The following ARL6IP1 variants were observed in gnomAD, a reference collection of about 807,000 sequenced individuals.
ARL6IP1 encodes the protein ARL6 interacting reticulophagy regulator 1.
Under a neutral mutation model 30.1 loss-of-function variants are expected in ARL6IP1, and 16 were observed. That is an observed-to-expected ratio of 0.53 (90% confidence interval 0.36 to 0.81). The LOEUF is 0.81. Among genes scored for constraint, ARL6IP1 ranks in the 30% least tolerant of loss-of-function variants. The pLI is 0.01. For synonymous variants in ARL6IP1, 72 were observed against 84.8 expected, an observed-to-expected ratio of 0.85 and a Z score of 0.83; for missense variants, 173 against 242.7, an observed-to-expected ratio of 0.71 and a Z score of 1.91.
intron 5 of ARL6IP1, among the ~76,000 whole-genome samples, chr16:18,794,367 C>T (rs1438517772): frequency 6.6e-6 from 1 of 152,244 alleles, no homozygotes; most frequent in African/African-American, 2.4e-5. Context: ...CTGCTCTCAT[C>T]CCCTCTTCCA....
At chr16:18,796,371 G>A (rs1330111277) in intron 3 of ARL6IP1, among the ~76,000 whole-genome samples, 2 of 152,144 alleles carry the variant, frequency 1.3e-5, no homozygotes, top group Non-Finnish European at 2.9e-5. Flanking sequence ...AAGGATTTCT[G>A]CTGAGCCCTG....
intron 1 of ARL6IP1, among the ~76,000 whole-genome samples, chr16:18,800,462 A>C (rs1315197928): frequency 6.6e-6 from 1 of 152,220 alleles, no homozygotes; most frequent in Non-Finnish European, 1.5e-5. Flanking sequence ...AATCCTCTTA[A>C]AAAGATCCAC....
At chr16:18,798,635 A>C (rs1204081432) in intron 2 of ARL6IP1, 66 bp downstream of exon 2, 1 of 1,537,338 alleles carries the variant, frequency 6.5e-7, no homozygotes, top group Non-Finnish European at 8.8e-7. Context: ...CACAAACAGA[A>C]GCTATATATT....
At chr16:18,799,009 G>T (rs999621515) in intron 1 of ARL6IP1, among the ~76,000 whole-genome samples, 175 bp from the exon 2 acceptor site, 11 of 151,778 alleles carry the variant, frequency 7.2e-5, no homozygotes, top group African/African-American at 2.2e-4. Context: ...AATACAATGG[G>T]TTTTTTTGTT....
intron 2 of ARL6IP1, chr16:18,798,463 T>G (rs1211456673): frequency 4.5e-6 from 2 of 448,326 alleles, no homozygotes; most frequent in Non-Finnish European, 7.7e-6. Context: ...AGAGTTTAAG[T>G]GTCTGGAGGA....
At position 18,795,593 on chromosome 16, in the gene ARL6IP1, A is replaced by C. The variant is rs769234563; in HGVS notation, c.291-12T>G. The C allele has an allele frequency of 1.2e-6, 2 of 1,605,426 alleles. No individual in the cohort carries two copies. Among genetic ancestry groups the C allele is most frequent in the South Asian group, 2.2e-5 (2 of 90,662 alleles). On this transcript the variant is annotated splice_polypyrimidine_tract_variant and intron_variant, in intron 3 of 5. Coordinates refer to ENST00000304414, the MANE Select transcript of ARL6IP1 (RefSeq NM_015161.3). The stretch of plus-strand genomic sequence containing the variant: ...GTTGTTCAGTGGTCCTAGAAAAGAA[A>C]TTTGCCTTTTGCTATAAACAAATCG...
At chr16:18,795,249 C>A in intron 4 of ARL6IP1, 1 of 404,880 alleles carries the variant, frequency 2.5e-6, no homozygotes, top group Non-Finnish European at 4.5e-6. Context: ...AAAAATGAAA[C>A]AGAAGAATTT....
Position 18,801,209 on chromosome 16 carries a change from G to C in ARL6IP1, c.36+222C>G. On this transcript the variant is annotated intron_variant, in intron 1 of 5. Transcript: ENST00000304414. ...CTCCTCGACTCCTACTCGCGGTGAT[G>C]AATCACGCGCCCTCCTCGCCCCGTC... is the stretch of plus-strand genomic sequence containing the variant. 9 of 1,412,364 alleles carry C rather than the reference G, an allele frequency of 6.4e-6. No homozygotes were observed. The South Asian group carries it at 1.1e-4, about 17-fold the overall frequency. 87.5% of individuals were successfully genotyped at this position (1,412,364 alleles called of 1,614,324 possible).
chr16:18,798,334 A>G, intron 2 of ARL6IP1: 1 of 319,058 alleles, frequency 3.1e-6, no homozygotes, highest in Non-Finnish European at 5.8e-6. Context: ...AGAAATACCT[A>G]ATGTAGATGA....
Position 18,795,452 on chromosome 16 carries a change from CA to C in ARL6IP1, c.408+11del. The C allele has an allele frequency of 3.1e-6, 5 of 1,597,638 alleles. No homozygotes were observed. Among genetic ancestry groups the C allele is most frequent in the Admixed American group, 1.7e-5 (1 of 58,776 alleles). On this transcript the variant is annotated intron_variant, in intron 4 of 5. Coordinates refer to ENST00000304414, the MANE Select transcript of ARL6IP1 (RefSeq NM_015161.3). Reference sequence around the variant, plus strand: ...AAATTTTACTGTACTTAAGTCAAAGCAAAAAAAGTACCATCTTAGGTTTTTC... The same window carrying C: ...AAATTTTACTGTACTTAAGTCAAAGCAAAAAAGTACCATCTTAGGTTTTTC...
chr16:18,798,755 C>T lies in ARL6IP1; in HGVS notation c.116G>A (p.Trp39Ter). 1.2e-6 allele frequency: 2 copies of T among 1,614,158 alleles called. No individual in the cohort carries two copies. Among genetic ancestry groups the T allele is most frequent in the Non-Finnish European group, 1.7e-6 (2 of 1,180,024 alleles). ...VMLMADKVLR[W>*]ERAWFPPAIM... ...GGCAGGTGGAAACCAGGCTCTTTCC[C>T]ATCGGAGGACTTTATCAGCCATCAG... The change falls in exon 2 of 6, where the codon TGG becomes TAG. Residue 39 changes from tryptophan (W) to a stop codon, truncating the protein, a stop_gained. Transcript: ENST00000304414. LOFTEE classifies it high-confidence loss of function.
In ARL6IP1 at chr16:18,792,181, C is replaced by T. The variant is rs1450129208; in HGVS notation, c.*1071G>A. The T allele has an allele frequency of 6.6e-6, 1 of 152,182 alleles. No individual in the cohort carries two copies. The highest frequency in any genetic ancestry group is 1.5e-5 in the Non-Finnish European group (1 of 68,042). 9.4% of individuals were successfully genotyped at this position (152,182 alleles called of 1,614,324 possible). A position where few individuals can be genotyped will look rare whatever the true frequency, so the allele number is the denominator to read the frequency against. ...GCCAACTATCATCACCTCAAGTCTGCTCTCACCAACAGCCCTTGTATTTTT... is the reference window on the plus strand; with the variant it reads ...GCCAACTATCATCACCTCAAGTCTGTTCTCACCAACAGCCCTTGTATTTTT... On this transcript the variant is annotated 3_prime_UTR_variant, in exon 6 of 6. Coordinates refer to ENST00000304414, the MANE Select transcript of ARL6IP1 (RefSeq NM_015161.3).
chr16:18,793,203 T>C lies in ARL6IP1; in HGVS notation c.*49A>G, dbSNP rs1410586488. The C allele has an allele frequency of 2.4e-6, 3 of 1,265,740 alleles. No homozygotes were observed. Among genetic ancestry groups the C allele is most frequent in the Non-Finnish European group, 3.4e-6 (3 of 877,476 alleles). 78.4% of individuals were successfully genotyped at this position (1,265,740 alleles called of 1,614,324 possible). On this transcript the variant is annotated 3_prime_UTR_variant, in exon 6 of 6. Coordinates refer to ENST00000304414, the MANE Select transcript of ARL6IP1 (RefSeq NM_015161.3). Reference sequence around the variant, plus strand: ...ATCCAGATAGTACAGCAGAAACGGTTCCCGGGGCAATGGGTGCTGCATTAA... The same window carrying C: ...ATCCAGATAGTACAGCAGAAACGGTCCCCGGGGCAATGGGTGCTGCATTAA...
At chr16:18,793,403 G>T in intron 5 of ARL6IP1, 33 bp from the exon 6 acceptor site, 2 of 1,275,136 alleles carry the variant, frequency 1.6e-6, no homozygotes, top group Non-Finnish European at 2.2e-6. Context: ...CATTAAGGAG[G>T]CAGCAATTAA....
intron 3 of ARL6IP1, among the ~76,000 whole-genome samples, chr16:18,797,181 C>T (rs552720986): frequency 1.3e-5 from 2 of 151,386 alleles, no homozygotes; most frequent in African/African-American, 4.9e-5. Flanking sequence ...AGATCGAGAC[C>T]ATCCTGGCTA....
chr16:18,795,549 A>G lies in ARL6IP1; in HGVS notation c.323T>C (p.Ile108Thr), dbSNP rs778587084. The part of the protein sequence containing the change: ...TTEQQQRFHE[I>T]CSNLVKTRRR... ...TCGAGTTTTTACTAGATTGCTGCAA[A>G]TTTCATGGAATCTTTGCTGTTGTTC... Residue 108 changes from isoleucine to threonine, a missense_variant, in exon 4 of 6, where the codon ATT becomes ACT. Ile to Thr is a moderately conservative substitution (Grantham distance 89). Coordinates refer to ENST00000304414, the MANE Select transcript of ARL6IP1 (RefSeq NM_015161.3). The G allele has an allele frequency of 1.9e-6, 3 of 1,613,586 alleles. No homozygotes were observed. The highest frequency in any genetic ancestry group is 1.7e-6 in the Non-Finnish European group (2 of 1,179,868).
intron 3 of ARL6IP1, among the ~76,000 whole-genome samples, chr16:18,797,108 G>A (rs1299384711): frequency 3.9e-5 from 6 of 152,046 alleles, no homozygotes; most frequent in Admixed American, 2.0e-4. Context: ...GGCCGGGCAC[G>A]GTGGCTCACG....
intron 1 of ARL6IP1, among the ~76,000 whole-genome samples, chr16:18,801,015 C>A (rs2141875452): frequency 6.6e-6 from 1 of 152,324 alleles, no homozygotes; most frequent in Non-Finnish European, 1.5e-5. Flanking sequence ...CCACCCTTGT[C>A]CAAGTTTTAG....
intron 2 of ARL6IP1, 119 bp downstream of exon 2, chr16:18,798,582 G>T: frequency 2.8e-6 from 3 of 1,071,820 alleles, no homozygotes; most frequent in Non-Finnish European, 3.8e-6. Context: ...ATTCTTTATG[G>T]GTTCTTTATG....
Sources: allele counts gnomAD v4.1 joint callset (sites outside exome capture counted in the v4.1 genomes callset), GRCh38; gene constraint gnomAD v4.1.1; transcripts MANE v1.5; gene names NCBI Gene and HGNC (gene_info 2026-07-23, HGNC 2026-07-21).